Variants in MPZL1 observed in about 807,000 individuals in gnomAD.
The protein encoded by MPZL1 is myelin protein zero like 1.
In MPZL1, 16 loss-of-function variants were observed where a neutral mutation model predicts 29.3. The ratio of observed to expected loss-of-function variants is 0.55; its 90% confidence interval spans 0.37 to 0.83. The LOEUF is 0.83. Ranked by LOEUF, MPZL1 falls within the 40% of genes least tolerant of loss-of-function variation. The pLI, the probability that MPZL1 is intolerant of heterozygous loss-of-function variation, is 0.00. For synonymous variants in MPZL1, 143 were observed against 132.0 expected, an observed-to-expected ratio of 1.08 and a Z score of -0.57; for missense variants, 279 against 332.9, an observed-to-expected ratio of 0.84 and a Z score of 1.26.
At chr1:167,767,338 T>A (rs1252740435) in intron 2 of MPZL1, among the ~76,000 whole-genome samples, 1 of 152,206 alleles carries the variant, frequency 6.6e-6, no homozygotes, top group Non-Finnish European at 1.5e-5. Context: ...ATTTAAACAT[T>A]TAAAGATTTC....
At chr1:167,781,569 T>C (rs1289831142) in intron 5 of MPZL1, among the ~76,000 whole-genome samples, 2 of 152,162 alleles carry the variant, frequency 1.3e-5, no homozygotes, top group Non-Finnish European at 2.9e-5. Context: ...GAGATATAGC[T>C]AAAGAAGTGC....
chr1:167,735,237 G>C (rs374481405), intron 1 of MPZL1, among the ~76,000 whole-genome samples: 1 of 152,246 alleles, frequency 6.6e-6, no homozygotes, highest in South Asian at 2.1e-4. Context: ...AGTATATGTG[G>C]TCACCCAGAA....
At chr1:167,752,688 G>T (rs1660782864) in intron 1 of MPZL1, among the ~76,000 whole-genome samples, 1 of 151,962 alleles carries the variant, frequency 6.6e-6, no homozygotes, top group Non-Finnish European at 1.5e-5. Flanking sequence ...ACTCTTTCTG[G>T]CAGTGATGAA....
intron 5 of MPZL1, among the ~76,000 whole-genome samples, chr1:167,780,996 A>G (rs994036039): frequency 3.3e-5 from 5 of 152,196 alleles, no homozygotes; most frequent in African/African-American, 1.2e-4. Flanking sequence ...AGAACAAGAA[A>G]TAGAACCAGG....
intron 1 of MPZL1, among the ~76,000 whole-genome samples, chr1:167,763,377 G>A (rs536768116): frequency 6.2e-4 from 95 of 152,008 alleles, no homozygotes; most frequent in Non-Finnish European, 1.0e-3. Flanking sequence ...TTAGCTGGGC[G>A]TCGTGGTGGG....
At chr1:167,764,808 A>T (rs540324134) in intron 1 of MPZL1, among the ~76,000 whole-genome samples, 4 of 147,632 alleles carry the variant, frequency 2.7e-5, no homozygotes, top group Non-Finnish European at 6.0e-5. Flanking sequence ...TTCAGCAATA[A>T]AAAGAAATGA....
intron 1 of MPZL1, among the ~76,000 whole-genome samples, chr1:167,740,093 C>T (rs1454766061): frequency 1.3e-5 from 2 of 152,208 alleles, no homozygotes; most frequent in African/African-American, 2.4e-5. Context: ...ATCCCTCAAC[C>T]CTGGGAAAAC....
At chr1:167,739,274 C>CATATATATATACACATATATATAT (rs201991698) in intron 1 of MPZL1, among the ~76,000 whole-genome samples, 109 of 83,244 alleles carry the variant, frequency 1.3e-3, no homozygotes, top group African/African-American at 6.8e-3. Flanking sequence ...TACATATATA[C>CATATATATATACACATATATATAT]ATATATACAT....
At chr1:167,759,671 C>T (rs1660940819) in intron 1 of MPZL1, among the ~76,000 whole-genome samples, 7 of 150,474 alleles carry the variant, frequency 4.7e-5, no homozygotes. Context: ...ACTGAAATTT[C>T]TCGCTGCAAT....
At chr1:167,756,909 CGGGGAGCACAGGGT>C (rs1295030284) in intron 1 of MPZL1, among the ~76,000 whole-genome samples, 1 of 151,956 alleles carries the variant, frequency 6.6e-6, no homozygotes, top group Non-Finnish European at 1.5e-5. Flanking sequence ...GACAGGATGT[CGGGGAGCACAGGGT>C]GGGGAGTGTG....
chr1:167,785,880 C>T (rs1661582575), intron 5 of MPZL1, among the ~76,000 whole-genome samples: 1 of 152,150 alleles, frequency 6.6e-6, no homozygotes, highest in Admixed American at 6.5e-5. Flanking sequence ...GTAAGCTCCG[C>T]CTCCTGGGTT....
chr1:167,776,108 G>C lies in MPZL1; in HGVS notation c.650G>C (p.Arg217Pro). 6.2e-7 allele frequency: 1 copy of C among 1,612,408 alleles called. No homozygotes were observed. The highest frequency in any genetic ancestry group is 8.5e-7 in the Non-Finnish European group (1 of 1,179,108). The change falls in exon 5 of 6, where the codon CGG becomes CCG. Residue 217 changes from arginine (R) to proline (P), a missense_variant. Transcript: ENST00000359523. ...ESLSPVKQAP[R>P]KSPSDTEGLV... Reference sequence around the variant, plus strand: ...TTGTCACCAGTTAAGCAGGCTCCTCGGAAGTCCCCCTCCGACACTGAGGGT... The same window carrying C: ...TTGTCACCAGTTAAGCAGGCTCCTCCGAAGTCCCCCTCCGACACTGAGGGT...
chr1:167,763,711 T>G (rs1308387460), intron 1 of MPZL1, among the ~76,000 whole-genome samples: 2 of 152,184 alleles, frequency 1.3e-5, no homozygotes, highest in Non-Finnish European at 2.9e-5. Context: ...TGAACTCAAG[T>G]GCCCTGGGGC....
chr1:167,775,708 C>T (rs981308585), intron 4 of MPZL1, among the ~76,000 whole-genome samples: 3 of 152,132 alleles, frequency 2.0e-5, no homozygotes, highest in Non-Finnish European at 4.4e-5. Context: ...TTCCCTTAAA[C>T]CTTTATCCCA....
Position 167,776,128 on chromosome 1 carries a change from G to A in MPZL1, c.670G>A (p.Glu224Lys). The change falls in exon 5 of 6, where the codon GAG (glutamate) becomes AAG (lysine). Residue 224 changes from glutamate to lysine, a missense_variant. Physicochemically the swap from Glu to Lys is moderately conservative, Grantham distance 56. Transcript: ENST00000359523. The stretch of plus-strand genomic sequence containing the variant: ...TCCTCGGAAGTCCCCCTCCGACACT[G>A]AGGGTCTTGTAAAGAGTCTGCCTTC... ...QAPRKSPSDT[E>K]GLVKSLPSGS... is the part of the protein sequence containing the mutation. The A allele has an allele frequency of 6.2e-7, 1 of 1,612,850 alleles. No homozygotes were observed. Among genetic ancestry groups the A allele is most frequent in the Non-Finnish European group, 8.5e-7 (1 of 1,179,310 alleles).
chr1:167,749,656 T>A (rs1660716669), intron 1 of MPZL1, among the ~76,000 whole-genome samples: 1 of 152,246 alleles, frequency 6.6e-6, no homozygotes, highest in South Asian at 2.1e-4. Flanking sequence ...GTCAGTGTGA[T>A]ATCACAAAAA....
intron 2 of MPZL1, among the ~76,000 whole-genome samples, chr1:167,766,399 A>T (rs1328630113): frequency 6.6e-6 from 1 of 152,228 alleles, no homozygotes; most frequent in African/African-American, 2.4e-5. Context: ...CTGGTCTGTA[A>T]AATGGAGACG....
At chr1:167,777,507 G>A (rs898815121) in intron 5 of MPZL1, among the ~76,000 whole-genome samples, 1 of 152,180 alleles carries the variant, frequency 6.6e-6, no homozygotes, top group African/African-American at 2.4e-5. Context: ...TTGAGAAGGC[G>A]GAAATCAGAA....
At chr1:167,746,470 C>T (rs915809163) in intron 1 of MPZL1, among the ~76,000 whole-genome samples, 5 of 152,084 alleles carry the variant, frequency 3.3e-5, no homozygotes, top group South Asian at 4.1e-4. Context: ...AGCATTGGCA[C>T]CAATAACAGA....
Sources: gnomAD v4.1 joint callset for allele counts (sites outside exome capture counted in the v4.1 genomes callset) on GRCh38, gnomAD v4.1.1 for gene constraint, MANE v1.5 for transcripts, NCBI Gene and HGNC (gene_info 2026-07-23, HGNC 2026-07-21) for gene names.